CACHD1: variants seen among roughly 807,000 people sequenced by gnomAD.
CACHD1 encodes the protein VWFA and cache domain-containing protein 1.
A neutral mutation model predicts 138.7 loss-of-function variants in CACHD1; 71 were observed. The observed-to-expected ratio is 0.51, with a 90% confidence interval of 0.42 to 0.62. The LOEUF (loss-of-function observed/expected upper bound fraction) is 0.62. CACHD1 is among the 20% of genes least tolerant of loss of function. The probability of loss-of-function intolerance (pLI) is 0.00; values close to 1 mark genes in which losing one functional copy is unlikely to be tolerated. For synonymous variants in CACHD1, 578 were observed against 591.5 expected, an observed-to-expected ratio of 0.98 and a Z score of 0.33; for missense variants, 1,389 against 1,625.3, an observed-to-expected ratio of 0.85 and a Z score of 2.50.
intron 1 of CACHD1, among the ~76,000 whole-genome samples, chr1:64,496,129 A>G (rs1646305322): frequency 6.6e-6 from 1 of 152,208 alleles, no homozygotes; most frequent in Non-Finnish European, 1.5e-5. Flanking sequence ...ATGTATGTTT[A>G]GTGCTTATTT....
chr1:64,671,156 T>TA (rs948423565), intron 16 of CACHD1, among the ~76,000 whole-genome samples: 4 of 152,002 alleles, frequency 2.6e-5, no homozygotes, highest in Admixed American at 2.6e-4. Context: ...TTTTCTTATC[T>TA]AAAAAATGAA....
intron 1 of CACHD1, among the ~76,000 whole-genome samples, chr1:64,518,873 C>A (rs1646477930): frequency 1.3e-5 from 2 of 152,156 alleles, no homozygotes; most frequent in South Asian, 2.1e-4. Flanking sequence ...GGAGTTGGAG[C>A]CTTTGTCTTT....
chr1:64,615,987 A>G (rs1300077468), intron 4 of CACHD1, among the ~76,000 whole-genome samples: 2 of 152,212 alleles, frequency 1.3e-5, no homozygotes, highest in African/African-American at 4.8e-5. Context: ...CCTAAAGTCA[A>G]TGAGCAATTG....
At chr1:64,481,589 A>T (rs895826212) in intron 1 of CACHD1, among the ~76,000 whole-genome samples, 10 of 152,210 alleles carry the variant, frequency 6.6e-5, no homozygotes, top group Admixed American at 3.9e-4. Context: ...TAGCTGTCCC[A>T]CATTACTGCA....
rs1467793097 is a variant in CACHD1, at chr1:64,611,494, TTTC to T, written c.517+8586_517+8588del. On this transcript the variant is annotated intron_variant, in intron 4 of 26. Transcript: ENST00000651257. The stretch of plus-strand genomic sequence containing the variant: ...TCTTGAATGCATTGTTGCTTAGAAA[TTTC>T]TTCCTTGCCAGATACCCTAAATCAT... Among the ~76,000 whole-genome samples, 3 of 152,214 alleles carry T rather than the reference TTTC, an allele frequency of 2.0e-5. No individual in the cohort carries two copies. In the East Asian group the frequency reaches 5.8e-4, roughly 29 times the overall value.
intron 15 of CACHD1, 61 bp downstream of exon 15, chr1:64,664,740 A>G: frequency 1.3e-6 from 2 of 1,488,948 alleles, no homozygotes; most frequent in South Asian, 1.2e-5. Flanking sequence ...AGACATGGTA[A>G]GTACATACAA....
At chr1:64,479,094 A>G (rs990011527) in intron 1 of CACHD1, among the ~76,000 whole-genome samples, 1 of 152,210 alleles carries the variant, frequency 6.6e-6, no homozygotes, top group African/African-American at 2.4e-5. Flanking sequence ...GCGGGTTACA[A>G]AAAGAAAATG....
At chr1:64,597,442 C>G (rs1188316574) in intron 3 of CACHD1, among the ~76,000 whole-genome samples, 1 of 150,176 alleles carries the variant, frequency 6.7e-6, no homozygotes, top group African/African-American at 2.5e-5. Flanking sequence ...AAGTGGGAGT[C>G]ACAGTTCTGT....
rs369006418 is a variant in CACHD1 at position 64,644,913 on chromosome 1, C to T, written c.1157-2888C>T. On this transcript the variant is annotated intron_variant, in intron 8 of 26. Transcript: ENST00000651257. ...AGGAGTTCGAGACCAGCCTGACCAG[C>T]GTGGTGAAACCCCATCTCTACTAAA... Among the ~76,000 whole-genome samples, 17 of 152,280 alleles carry T rather than the reference C, an allele frequency of 1.1e-4. 1 individual carries two copies. Among genetic ancestry groups the T allele is most frequent in the Admixed American group, 7.2e-4 (11 of 15,284 alleles).
intron 16 of CACHD1, among the ~76,000 whole-genome samples, chr1:64,670,667 C>T (rs1649782908): frequency 6.6e-6 from 1 of 152,228 alleles, no homozygotes. Context: ...ATTGTCAACT[C>T]ATGCCTGAGG....
At chr1:64,664,393 C>T (rs777724879) in intron 14 of CACHD1, 105 bp from the exon 15 acceptor site, 25 of 1,077,580 alleles carry the variant, frequency 2.3e-5, no homozygotes, top group East Asian at 1.5e-4. Context: ...AAAAGTAATT[C>T]GGCTTGGCTT....
intron 19 of CACHD1, among the ~76,000 whole-genome samples, chr1:64,674,625 AC>A (rs1429585046): frequency 1.3e-5 from 2 of 152,110 alleles, no homozygotes; most frequent in African/African-American, 4.8e-5. Context: ...ACCTCTAAAA[AC>A]CCATTGAGTG....
chr1:64,480,233 C>A (rs1019480339), intron 1 of CACHD1, among the ~76,000 whole-genome samples: 4 of 152,196 alleles, frequency 2.6e-5, no homozygotes, highest in African/African-American at 9.6e-5. Context: ...TACAAATGTT[C>A]ATTTTACAGA....
At chr1:64,566,565 C>G (rs1047129323) in intron 2 of CACHD1, among the ~76,000 whole-genome samples, 1 of 149,800 alleles carries the variant, frequency 6.7e-6, no homozygotes, top group Non-Finnish European at 1.5e-5. Flanking sequence ...TCACTCCTTC[C>G]CCTAGCAATT....
intron 4 of CACHD1, among the ~76,000 whole-genome samples, chr1:64,623,596 C>T (rs966090779): frequency 1.3e-5 from 2 of 152,010 alleles, no homozygotes; most frequent in Admixed American, 6.6e-5. Flanking sequence ...ATCTTGCCCT[C>T]GAGGATCTTA....
chr1:64,596,166 C>A (rs1486671368), intron 3 of CACHD1, among the ~76,000 whole-genome samples: 1 of 152,088 alleles, frequency 6.6e-6, no homozygotes, highest in Non-Finnish European at 1.5e-5. Flanking sequence ...TTGAAGTGAT[C>A]CTGCTCTTGC....
At chr1:64,491,245 C>CCT (rs534816959) in intron 1 of CACHD1, among the ~76,000 whole-genome samples, 1,763 of 149,746 alleles carry the variant, frequency 0.012, 12 homozygotes, top group Non-Finnish European at 0.018. Flanking sequence ...AGGACTGCTT[C>CCT]CTCTCTCTCT....
rs961607233 is a variant in CACHD1, at chr1:64,633,357, G to A, written c.789+614G>A. Among the ~76,000 whole-genome samples the A allele has an allele frequency of 3.9e-5, 6 of 152,146 alleles. No homozygotes were observed. The South Asian group carries it at 6.2e-4, about 16-fold the overall frequency. ...AGCCACAAATCCAAAAATCCCTTTC[G>A]TAACTACCACCAAGCTTAGTCTTAT... On this transcript the variant is annotated intron_variant, in intron 6 of 26. Coordinates refer to ENST00000651257, the MANE Select transcript of CACHD1 (RefSeq NM_020925.4).
intron 1 of CACHD1, among the ~76,000 whole-genome samples, chr1:64,515,424 G>C (rs1211265679): frequency 6.6e-6 from 1 of 152,196 alleles, no homozygotes; most frequent in Non-Finnish European, 1.5e-5. Flanking sequence ...TTTCCAGTAT[G>C]ATTGGTGTGA....
Sources: gnomAD v4.1 joint callset for allele counts (sites outside exome capture counted in the v4.1 genomes callset) on GRCh38, gnomAD v4.1.1 for gene constraint, MANE v1.5 for transcripts, NCBI Gene and HGNC (gene_info 2026-07-23, HGNC 2026-07-21) for gene names.